Variants in CA10 observed in about 807,000 individuals in gnomAD.
CA10 encodes carbonic anhydrase 10 (inactive).
Under a neutral mutation model 44.2 loss-of-function variants are expected in CA10, and 14 were observed. The observed-to-expected ratio is 0.32, with a 90% CI of 0.21 to 0.50. The LOEUF (loss-of-function observed/expected upper bound fraction) is 0.50. CA10 is among the 20% of genes least tolerant of loss of function. The pLI is 0.99. For missense variants in CA10, 350 were observed against 409.7 expected (o/e 0.85, Z 1.26); for synonymous variants, 159 against 141.6 (o/e 1.12, Z -0.87).
chr17:52,030,091 G>A (rs1048708966), intron 2 of CA10, among the ~76,000 whole-genome samples: 1 of 152,178 alleles, frequency 6.6e-6, no homozygotes, highest in African/African-American at 2.4e-5. Flanking sequence ...AAACATAGGC[G>A]TGTAGTAGCA....
intron 2 of CA10, among the ~76,000 whole-genome samples, chr17:52,025,554 T>C (rs552721893): frequency 1.5e-4 from 23 of 152,194 alleles, no homozygotes; most frequent in Non-Finnish European, 3.1e-4. Flanking sequence ...AGATGGATTT[T>C]TTGCTTCAAG....
chr17:52,010,518 T>C (rs1252539679), intron 2 of CA10, among the ~76,000 whole-genome samples: 1 of 151,792 alleles, frequency 6.6e-6, no homozygotes, highest in Non-Finnish European at 1.5e-5. Context: ...GGGAGTAACC[T>C]AGGAAAGGAA....
chr17:51,970,395 G>A (rs1464323232), intron 2 of CA10, among the ~76,000 whole-genome samples: 2 of 148,980 alleles, frequency 1.3e-5, no homozygotes, highest in Non-Finnish European at 3.0e-5. Context: ...TTATTTTTTT[G>A]TTCCTCTTAC....
At chr17:51,643,921 C>T (rs888895884) in intron 6 of CA10, among the ~76,000 whole-genome samples, 10 of 152,252 alleles carry the variant, frequency 6.6e-5, no homozygotes, top group Middle Eastern at 3.4e-3. Context: ...TCTTACAGAT[C>T]GGGGAGGTGT....
intron 3 of CA10, among the ~76,000 whole-genome samples, chr17:51,795,985 G>A (rs1450741024): frequency 6.6e-6 from 1 of 152,212 alleles, no homozygotes; most frequent in Non-Finnish European, 1.5e-5. Flanking sequence ...TATTGATCAG[G>A]AGCTTTATTT....
chr17:52,094,854 G>C (rs1242979498), intron 1 of CA10, among the ~76,000 whole-genome samples: 2 of 152,180 alleles, frequency 1.3e-5, no homozygotes, highest in Non-Finnish European at 2.9e-5. Context: ...CTCATATACT[G>C]CTGGTGGTAA....
intron 4 of CA10, among the ~76,000 whole-genome samples, chr17:51,660,212 G>T (rs1913949199): frequency 6.6e-6 from 1 of 152,240 alleles, no homozygotes; most frequent in Non-Finnish European, 1.5e-5. Context: ...GAAGGCAGGA[G>T]AAGACCATGG....
chr17:51,743,085 T>C (rs1236349147), intron 4 of CA10, among the ~76,000 whole-genome samples: 1 of 151,914 alleles, frequency 6.6e-6, no homozygotes, highest in East Asian at 1.9e-4. Context: ...ATGTGAAGAG[T>C]GGATGAAATT....
At chr17:51,860,998 A>G (rs1015172777) in intron 3 of CA10, among the ~76,000 whole-genome samples, 3 of 152,184 alleles carry the variant, frequency 2.0e-5, no homozygotes, top group African/African-American at 7.2e-5. Context: ...ATCTTAACAT[A>G]AAATACCTTC....
chr17:51,965,689 A>G (rs1598143779), intron 2 of CA10, among the ~76,000 whole-genome samples: 1 of 152,030 alleles, frequency 6.6e-6, no homozygotes, highest in East Asian at 1.9e-4. Context: ...CAAGAGACTA[A>G]GCATCAAAGG....
chr17:51,906,436 T>TG (rs1255631786), intron 3 of CA10, among the ~76,000 whole-genome samples: 1 of 152,094 alleles, frequency 6.6e-6, no homozygotes, highest in Admixed American at 6.6e-5. Context: ...TCACCGGATG[T>TG]GCCATCTCGG....
chr17:51,873,224 C>A (rs1347511163), intron 3 of CA10, among the ~76,000 whole-genome samples: 1 of 152,068 alleles, frequency 6.6e-6, no homozygotes, highest in East Asian at 1.9e-4. Context: ...GTACTTAGAA[C>A]AAGGTACAGA....
At chr17:51,729,025 G>C (rs1308777658) in intron 4 of CA10, among the ~76,000 whole-genome samples, 1 of 152,112 alleles carries the variant, frequency 6.6e-6, no homozygotes, top group Admixed American at 6.5e-5. Flanking sequence ...ACAGCTTCCA[G>C]TGCAGGAGCA....
intron 4 of CA10, among the ~76,000 whole-genome samples, chr17:51,744,382 T>G (rs1424863923): frequency 6.6e-6 from 1 of 152,058 alleles, no homozygotes; most frequent in Non-Finnish European, 1.5e-5. Flanking sequence ...AACTGACAGT[T>G]TCCCCTGCTC....
chr17:51,842,575 C>T (rs1438856774), intron 3 of CA10, among the ~76,000 whole-genome samples: 2 of 152,166 alleles, frequency 1.3e-5, no homozygotes, highest in Non-Finnish European at 2.9e-5. Context: ...TGAAAAGTCA[C>T]GGTCACTAGG....
chr17:51,941,193 T>C (rs1268879929), intron 2 of CA10, among the ~76,000 whole-genome samples: 1 of 152,110 alleles, frequency 6.6e-6, no homozygotes, highest in Non-Finnish European at 1.5e-5. Flanking sequence ...CTGCTCTCAT[T>C]CATCCCTCAG....
intron 6 of CA10, among the ~76,000 whole-genome samples, chr17:51,645,203 C>T (rs914958616): frequency 6.6e-6 from 1 of 152,202 alleles, no homozygotes; most frequent in African/African-American, 2.4e-5. Flanking sequence ...TGGGTTGCTG[C>T]AATCCTCTTC....
At chr17:51,653,616 G>T (rs1913661222) in intron 5 of CA10, 25 bp downstream of exon 5, 2 of 1,193,822 alleles carry the variant, frequency 1.7e-6, no homozygotes, top group South Asian at 2.4e-5. Context: ...ATGGTGAGAA[G>T]AATGAAGGAA....
Position 51,693,553 on chromosome 17 carries a change from C to T in CA10, c.466-39817G>A, listed in dbSNP as rs372719175. The stretch of plus-strand genomic sequence containing the variant: ...TTGTCATCTTTATGTCCATGAGTAC[C>T]CAATGTTTACCTCCTATTTATAAGT... On this transcript the variant is annotated intron_variant, in intron 4 of 8. Transcript: ENST00000451037. Among the ~76,000 whole-genome samples, 23 of 152,082 alleles carry T rather than the reference C, an allele frequency of 1.5e-4. 1 individual carries two copies. In the East Asian group the frequency reaches 1.9e-3, roughly 13 times the overall value.
Sources: gnomAD v4.1 joint callset for allele counts (sites outside exome capture counted in the v4.1 genomes callset) on GRCh38, gnomAD v4.1.1 for gene constraint, MANE v1.5 for transcripts, NCBI Gene and HGNC (gene_info 2026-07-23, HGNC 2026-07-21) for gene names.